The following RCAN2 variants were observed in gnomAD, a reference collection of about 807,000 sequenced individuals.
RCAN2 encodes the protein regulator of calcineurin 2.
Under a neutral mutation model 23.6 loss-of-function variants are expected in RCAN2, and 9 were observed. The observed-to-expected ratio is 0.38, with a 90% CI of 0.23 to 0.67. The LOEUF is 0.67. RCAN2 is among the 30% of genes least tolerant of loss of function. The pLI is 0.51. For missense variants in RCAN2, 273 were observed against 302.3 expected, an observed-to-expected ratio of 0.90 and a Z score of 0.72; for synonymous variants, 109 against 115.7, an observed-to-expected ratio of 0.94 and a Z score of 0.37.
chr6:46,277,673 C>T (rs1292180412), intron 2 of RCAN2, among the ~76,000 whole-genome samples: 1 of 151,642 alleles, frequency 6.6e-6, no homozygotes, highest in Non-Finnish European at 1.5e-5. Context: ...CACCCCCTTT[C>T]ACCACCTAAA....
At chr6:46,314,684 C>T (rs976528967) in intron 2 of RCAN2, among the ~76,000 whole-genome samples, 2 of 152,168 alleles carry the variant, frequency 1.3e-5, no homozygotes, top group African/African-American at 4.8e-5. Flanking sequence ...AAAATTCCTG[C>T]CCAAAGAAAG....
At chr6:46,345,487 T>C (rs566440561) in intron 2 of RCAN2, among the ~76,000 whole-genome samples, 6 of 152,260 alleles carry the variant, frequency 3.9e-5, no homozygotes, top group Non-Finnish European at 7.4e-5. Flanking sequence ...TTTGCCATGG[T>C]AGACCACATG....
intron 1 of RCAN2, among the ~76,000 whole-genome samples, chr6:46,479,914 T>G (rs1042141146): frequency 6.6e-6 from 1 of 152,142 alleles, no homozygotes; most frequent in African/African-American, 2.4e-5. Flanking sequence ...CTAAACATAC[T>G]GGACCAGTGT....
intron 4 of RCAN2, among the ~76,000 whole-genome samples, chr6:46,226,097 G>T (rs1416287128): frequency 6.6e-6 from 1 of 152,142 alleles, no homozygotes. Context: ...GATGGTTGTA[G>T]ATATGTGGTA....
At chr6:46,294,993 G>T (rs1353500931) in intron 2 of RCAN2, among the ~76,000 whole-genome samples, 2 of 152,142 alleles carry the variant, frequency 1.3e-5, no homozygotes, top group African/African-American at 4.8e-5. Flanking sequence ...AATCAAAAGA[G>T]AAAATGTGTG....
At chr6:46,434,348 G>A (rs1044121355) in intron 2 of RCAN2, among the ~76,000 whole-genome samples, 2 of 152,178 alleles carry the variant, frequency 1.3e-5, no homozygotes, top group African/African-American at 4.8e-5. Flanking sequence ...GGCAGCTGAG[G>A]GAGAGGTGTC....
intron 1 of RCAN2, among the ~76,000 whole-genome samples, chr6:46,458,367 T>C (rs1283058294): frequency 2.0e-5 from 3 of 152,230 alleles, no homozygotes; most frequent in Admixed American, 6.5e-5. Context: ...TGAGAGTTGG[T>C]AAGCAGCATT....
intron 2 of RCAN2, among the ~76,000 whole-genome samples, chr6:46,276,238 A>G (rs192043718): frequency 3.9e-4 from 60 of 152,224 alleles, no homozygotes; most frequent in Admixed American, 1.1e-3. Context: ...ACAAAAACCA[A>G]CTATGCAGGG....
chr6:46,386,320 C>T (rs984028412), intron 2 of RCAN2, among the ~76,000 whole-genome samples: 3 of 151,818 alleles, frequency 2.0e-5, no homozygotes, highest in Admixed American at 6.6e-5. Context: ...ACAAGGAGGC[C>T]GGGTGCGGTG....
intron 2 of RCAN2, among the ~76,000 whole-genome samples, chr6:46,453,069 C>G (rs1424294577): frequency 6.6e-6 from 1 of 152,162 alleles, no homozygotes; most frequent in African/African-American, 2.4e-5. Context: ...CCTTATGTGT[C>G]TTTAGCATAG....
chr6:46,421,557 C>A (rs933671572), intron 2 of RCAN2, among the ~76,000 whole-genome samples: 2 of 152,176 alleles, frequency 1.3e-5, no homozygotes, highest in Non-Finnish European at 2.9e-5. Flanking sequence ...TGGGAGATGT[C>A]GCAACTCACA....
intron 2 of RCAN2, among the ~76,000 whole-genome samples, chr6:46,331,680 T>G (rs1194047104): frequency 3.3e-5 from 5 of 152,244 alleles, no homozygotes; most frequent in African/African-American, 1.2e-4. Flanking sequence ...TTTTAAGATA[T>G]CAATCTAGAG....
At chr6:46,353,860 G>T (rs545423839) in intron 2 of RCAN2, among the ~76,000 whole-genome samples, 1 of 152,208 alleles carries the variant, frequency 6.6e-6, no homozygotes, top group Non-Finnish European at 1.5e-5. Context: ...CATGCAAGAA[G>T]TATCTTACCA....
intron 2 of RCAN2, among the ~76,000 whole-genome samples, chr6:46,400,129 A>C (rs182491331): frequency 2.6e-5 from 4 of 152,334 alleles, no homozygotes; most frequent in Non-Finnish European, 1.5e-5. Flanking sequence ...CTCAAAGTGC[A>C]ATTCCCCACT....
intron 2 of RCAN2, among the ~76,000 whole-genome samples, chr6:46,443,842 G>A (rs1767622337): frequency 6.6e-6 from 1 of 152,166 alleles, no homozygotes; most frequent in Admixed American, 6.5e-5. Flanking sequence ...TTTGGAACCT[G>A]CTTTCCACAG....
At chr6:46,400,651 G>A (rs1023579181) in intron 2 of RCAN2, among the ~76,000 whole-genome samples, 16 of 152,110 alleles carry the variant, frequency 1.1e-4, no homozygotes, top group East Asian at 3.9e-4. Context: ...CCAGATTTGC[G>A]TCTGGATGAG....
rs1765517396 is a variant in RCAN2 at position 46,222,745 on chromosome 6, A to T, written c.*396T>A. On this transcript the variant is annotated 3_prime_UTR_variant, in exon 5 of 5. Coordinates refer to ENST00000371374, the MANE Select transcript of RCAN2 (RefSeq NM_001251974.2). Reference sequence around the variant, plus strand: ...CTCATGCAGTCAAAGTCAAGTTTACATATGGTCCTATTTAAGTGGCCAGGA... The same window carrying T: ...CTCATGCAGTCAAAGTCAAGTTTACTTATGGTCCTATTTAAGTGGCCAGGA... 1 of 163,666 alleles carries T rather than the reference A, an allele frequency of 6.1e-6. No homozygotes were observed. Among genetic ancestry groups the T allele is most frequent in the Non-Finnish European group, 1.3e-5 (1 of 75,678 alleles). 10.1% of individuals were successfully genotyped at this position (163,666 alleles called of 1,614,324 possible). A position where few individuals can be genotyped will look rare whatever the true frequency, so the allele number is the denominator to read the frequency against.
At chr6:46,464,450 G>A (rs1006988450) in intron 1 of RCAN2, among the ~76,000 whole-genome samples, 1 of 152,068 alleles carries the variant, frequency 6.6e-6, no homozygotes, top group Non-Finnish European at 1.5e-5. Flanking sequence ...TGCCCTTTGG[G>A]TGTTTTAATA....
chr6:46,277,303 T>C (rs985127050), intron 2 of RCAN2, among the ~76,000 whole-genome samples: 6 of 152,242 alleles, frequency 3.9e-5, no homozygotes, highest in Non-Finnish European at 7.3e-5. Context: ...CTGGGTAAAA[T>C]ACCATTCTTG....
Sources: allele counts gnomAD v4.1 joint callset (sites outside exome capture counted in the v4.1 genomes callset), GRCh38; gene constraint gnomAD v4.1.1; transcripts MANE v1.5; gene names NCBI Gene and HGNC (gene_info 2026-07-23, HGNC 2026-07-21).